The following MANSC4 variants were observed in gnomAD, a reference collection of about 807,000 sequenced individuals.
MANSC4 encodes MANSC domain-containing protein 4.
MANSC4 carries 11 observed loss-of-function variants against 11.4 expected under a neutral mutation model. The observed-to-expected ratio is 0.97, with a 90% confidence interval of 0.61 to 1.60. The LOEUF is 1.60. Among genes scored for constraint, MANSC4 ranks in the 40% most tolerant of loss-of-function variants. The pLI, the probability that MANSC4 is intolerant of heterozygous loss-of-function variation, is 0.00. For missense variants in MANSC4, 354 were observed against 404.6 expected (o/e 0.88, Z 1.07); for synonymous variants, 123 against 147.1 (o/e 0.84, Z 1.19).
chr12:27,769,798 A>C (rs2062092196), intron 2 of MANSC4, among the ~76,000 whole-genome samples: 1 of 152,244 alleles, frequency 6.6e-6, no homozygotes, highest in African/African-American at 2.4e-5. Context: ...CATGGAAAGA[A>C]AGTGTAGAAC....
In MANSC4 at chr12:27,762,801, T is replaced by A; in HGVS notation, c.960A>T (p.Gly320=). 2 of 1,551,636 alleles carry A rather than the reference T, an allele frequency of 1.3e-6. No individual in the cohort carries two copies. The highest frequency in any genetic ancestry group is 4.9e-5 in the East Asian group (2 of 40,932). ...TTTGCAAGGATCCTGATTTTCTCTG[T>A]CCTGGTTTATACTGGCCCTGCTGCT... ...CGKQQGQYKP[G]QRKSGSLQIK... Residue 320 remains glycine, a synonymous_variant, in exon 4 of 4, where the codon GGA becomes GGT. Coordinates refer to ENST00000381273, the MANE Select transcript of MANSC4 (RefSeq NM_001146221.5).
intron 3 of MANSC4, among the ~76,000 whole-genome samples, chr12:27,764,757 A>G (rs2062064587): frequency 6.6e-6 from 1 of 152,054 alleles, no homozygotes; most frequent in African/African-American, 2.4e-5. Context: ...ATCTCTTAAT[A>G]TGCCCAAAGC....
chr12:27,762,883 G>A lies in MANSC4; in HGVS notation c.878C>T (p.Thr293Ile), dbSNP rs372656312. ...ACAACAGCCGAGAAAGATGACAGAG[G>A]TGCAAAGGGCCACAGAAACCAGCCA... The part of the protein sequence containing the change: ...KTWLVSVALC[T>I]SVIFLGCCIV... The change falls in exon 4 of 4, where the codon ACC (threonine) becomes ATC (isoleucine). Residue 293 changes from threonine (T) to isoleucine (I), a missense_variant. By Grantham distance (89) the Thr-to-Ile change is moderately conservative (BLOSUM62 -1). Coordinates refer to ENST00000381273, the MANE Select transcript of MANSC4 (RefSeq NM_001146221.5). The A allele has an allele frequency of 1.5e-4, 228 of 1,552,146 alleles. No individual in the cohort carries two copies. In the African/African-American group the frequency reaches 2.9e-3, roughly 19 times the overall value.
chr12:27,775,751 T>C (rs2062117374), intron 1 of MANSC4, among the ~76,000 whole-genome samples: 1 of 151,060 alleles, frequency 6.6e-6, no homozygotes, highest in South Asian at 2.1e-4. Context: ...GGGAATCATA[T>C]ATGCTGTTCC....
intron 1 of MANSC4, among the ~76,000 whole-genome samples, chr12:27,775,392 A>C (rs540423604): frequency 2.0e-5 from 3 of 152,280 alleles, no homozygotes; most frequent in Non-Finnish European, 2.9e-5. Context: ...CAGCCTGGAA[A>C]ACATAGGGAG....
At chr12:27,768,276 A>G (rs796393904) in intron 2 of MANSC4, among the ~76,000 whole-genome samples, 36 of 151,686 alleles carry the variant, frequency 2.4e-4, no homozygotes, top group African/African-American at 8.2e-4. Context: ...GGTGGCACGC[A>G]TCTGTAATCC....
At chr12:27,768,402 C>CAAAAAAAAAA (rs201953091) in intron 2 of MANSC4, among the ~76,000 whole-genome samples, 1 of 109,688 alleles carries the variant, frequency 9.1e-6, no homozygotes, top group Admixed American at 1.0e-4. Flanking sequence ...GACTCTGTCT[C>CAAAAAAAAAA]AAAAAAAAAA....
intron 1 of MANSC4, among the ~76,000 whole-genome samples, chr12:27,776,912 T>C (rs1485479633): frequency 1.3e-5 from 2 of 152,154 alleles, no homozygotes; most frequent in African/African-American, 4.8e-5. Flanking sequence ...TATAAAGCAA[T>C]ATTTTCAGGA....
At position 27,771,050 on chromosome 12, in the gene MANSC4, TC is replaced by T; in HGVS notation, c.226del (p.Asp76MetfsTer33). The part of the protein sequence containing the change: ...KCSRSCCLRK[D>X]VSCNLAVFYH... ...CCAAGCATATCATGAATACTTACCA[TC>T]CTTCCGAAGACAGCAGCTCCTACTG... is the stretch of plus-strand genomic sequence containing the variant. On this transcript the variant is annotated frameshift_variant, in exon 2 of 4. Transcript: ENST00000381273. LOFTEE classifies it high-confidence loss of function. 1 of 1,548,680 alleles carries T rather than the reference TC, an allele frequency of 6.5e-7. No individual in the cohort carries two copies. Among genetic ancestry groups the T allele is most frequent in the Non-Finnish European group, 8.7e-7 (1 of 1,145,850 alleles).
chr12:27,774,406 T>TG (rs2062111643), intron 1 of MANSC4, among the ~76,000 whole-genome samples: 9 of 150,800 alleles, frequency 6.0e-5, no homozygotes, highest in Admixed American at 5.2e-4. Context: ...CCTGAAAAAC[T>TG]TAAATGTTTT....
At chr12:27,779,408 CA>C (rs1031250532) in intron 1 of MANSC4, among the ~76,000 whole-genome samples, 2 of 152,194 alleles carry the variant, frequency 1.3e-5, no homozygotes, top group Admixed American at 1.3e-4. Flanking sequence ...GCTGCGCTTT[CA>C]TCTTTCTTTT....
intron 1 of MANSC4, among the ~76,000 whole-genome samples, chr12:27,775,065 AAAT>A (rs1407481075): frequency 6.9e-6 from 1 of 144,980 alleles, no homozygotes; most frequent in Admixed American, 6.9e-5. Flanking sequence ...ATAAATAAAT[AAAT>A]AAGATTACTT....
intron 2 of MANSC4, among the ~76,000 whole-genome samples, chr12:27,770,518 A>AC (rs35262639): frequency 0.16 from 24,834 of 151,854 alleles, 2,532 homozygotes; most frequent in Non-Finnish European, 0.23. Flanking sequence ...TACTAATATC[A>AC]CAAAATGTAC....
chr12:27,764,561 G>T (rs1299356260), intron 3 of MANSC4, among the ~76,000 whole-genome samples: 1 of 151,784 alleles, frequency 6.6e-6, no homozygotes. Context: ...TTCAGTCCTT[G>T]GTTTTCAGCT....
Position 27,763,159 on chromosome 12 carries a change from G to T in MANSC4, c.602C>A (p.Ala201Glu). The T allele has an allele frequency of 6.4e-7, 1 of 1,551,670 alleles. No homozygotes were observed. The highest frequency in any genetic ancestry group is 8.7e-7 in the Non-Finnish European group (1 of 1,147,000). The change falls in exon 4 of 4, where the codon GCA becomes GAA. Residue 201 changes from alanine to glutamate, a missense_variant. Physicochemically the swap from Ala to Glu is moderately radical, Grantham distance 107. Transcript: ENST00000381273. The stretch of plus-strand genomic sequence containing the variant: ...GGACTCATTCAGGGAAGTAAATCTT[G>T]CCCAAAAATCTGTGGTTAATTCCTT... ...YSKELTTDFWARFTSLNESIT... is the reference protein window; with the variant it reads ...YSKELTTDFWERFTSLNESIT...
At chr12:27,771,026 C>T (rs2062097971) in intron 2 of MANSC4, 22 bp downstream of exon 2, 2 of 1,521,318 alleles carry the variant, frequency 1.3e-6, no homozygotes, top group Admixed American at 4.3e-5. Context: ...TATTTTTGCC[C>T]AAGCATATCA....
Position 27,763,377 on chromosome 12 carries a change from C to G in MANSC4, c.384G>C (p.Leu128=). The G allele has an allele frequency of 6.5e-7, 1 of 1,547,534 alleles. No individual in the cohort carries two copies. Among genetic ancestry groups the G allele is most frequent in the South Asian group, 1.2e-5 (1 of 83,112 alleles). Residue 128 remains leucine (L), a synonymous_variant, in exon 4 of 4, where the codon CTG becomes CTC. Coordinates refer to ENST00000381273, the MANE Select transcript of MANSC4 (RefSeq NM_001146221.5). ...NITDGIDPDL[L]VFEQSPTYLN... The stretch of plus-strand genomic sequence containing the variant: ...GATATGTGGGAGATTGTTCAAAAAC[C>G]AGCAAATCCGGATCTATACCTGAAA...
At chr12:27,763,893 G>A (rs1378373978) in intron 3 of MANSC4, among the ~76,000 whole-genome samples, 5 of 151,130 alleles carry the variant, frequency 3.3e-5, no homozygotes, top group African/African-American at 1.2e-4. Context: ...ACCACGCCCA[G>A]CTAATTTTTG....
At chr12:27,771,791 A>G (rs1483956643) in intron 1 of MANSC4, among the ~76,000 whole-genome samples, 1 of 152,196 alleles carries the variant, frequency 6.6e-6, no homozygotes, top group African/African-American at 2.4e-5. Flanking sequence ...TGTTTTTTAA[A>G]AAATCATCTC....
Sources: gnomAD v4.1 joint callset for allele counts (sites outside exome capture counted in the v4.1 genomes callset) on GRCh38, gnomAD v4.1.1 for gene constraint, MANE v1.5 for transcripts, NCBI Gene and HGNC (gene_info 2026-07-23, HGNC 2026-07-21) for gene names.